The following ME3 variants were observed in gnomAD, a reference collection of about 807,000 sequenced individuals.
ME3 encodes the protein malic enzyme 3, also known as NADP-dependent malic enzyme, mitochondrial.
A neutral mutation model predicts 68.9 loss-of-function variants in ME3; 48 were observed. The observed-to-expected ratio is 0.70, with a 90% confidence interval of 0.55 to 0.89. ME3 has a LOEUF of 0.89. Ranked by LOEUF, ME3 falls within the 40% of genes least tolerant of loss-of-function variation. The pLI is 0.00. For missense variants in ME3, 675 were observed against 797.4 expected (o/e 0.85, Z 1.85); for synonymous variants, 320 against 318.8 (o/e 1.00, Z -0.04).
intron 8 of ME3, chr11:86,462,778 G>A: frequency 4.4e-6 from 2 of 451,744 alleles, no homozygotes; most frequent in Admixed American, 4.8e-5. Context: ...GTACAATGAA[G>A]TAAGAGAACT....
intron 2 of ME3, among the ~76,000 whole-genome samples, chr11:86,604,190 A>C (rs1036005936): frequency 6.6e-6 from 1 of 152,070 alleles, no homozygotes; most frequent in Non-Finnish European, 1.5e-5. Flanking sequence ...CATCATGCAG[A>C]TGAAGCCTCC....
intron 2 of ME3, among the ~76,000 whole-genome samples, chr11:86,560,748 G>GTGTGTATGTGTATATATATATATA (rs1243025217): frequency 1.6e-5 from 1 of 62,530 alleles, no homozygotes; most frequent in South Asian, 7.8e-4. Flanking sequence ...GTGTGTGTGT[G>GTGTGTATGTGTATATATATATATA]TATATATATA....
chr11:86,560,704 A>ATGTG (rs71040244), intron 2 of ME3, among the ~76,000 whole-genome samples: 39 of 101,610 alleles, frequency 3.8e-4, no homozygotes, highest in Admixed American at 1.3e-3. Flanking sequence ...ATATAATGAT[A>ATGTG]TGTGTGTGTG....
intron 2 of ME3, among the ~76,000 whole-genome samples, chr11:86,591,364 T>C (rs7944874): frequency 0.64 from 96,815 of 152,064 alleles, 32,537 homozygotes; most frequent in Non-Finnish European, 0.75. Context: ...TATTTAAAGA[T>C]AAGTCATTTA....
At chr11:86,610,242 TATA>T (rs889578715) in intron 2 of ME3, among the ~76,000 whole-genome samples, 2 of 152,176 alleles carry the variant, frequency 1.3e-5, no homozygotes, top group African/African-American at 4.8e-5. Flanking sequence ...CAGATGTATT[TATA>T]ATGTTTCATT....
chr11:86,642,173 G>A (rs1037140531), intron 2 of ME3, among the ~76,000 whole-genome samples: 2 of 152,146 alleles, frequency 1.3e-5, no homozygotes, highest in Non-Finnish European at 2.9e-5. Flanking sequence ...ATAGAGCCAA[G>A]GAAATTCTCA....
At chr11:86,479,926 T>G (rs1951301649) in intron 7 of ME3, among the ~76,000 whole-genome samples, 1 of 152,120 alleles carries the variant, frequency 6.6e-6, no homozygotes, top group Non-Finnish European at 1.5e-5. Flanking sequence ...GCAATTCTCA[T>G]GCCTCAGCCT....
intron 2 of ME3, among the ~76,000 whole-genome samples, chr11:86,664,996 G>A (rs1946503028): frequency 6.6e-6 from 1 of 152,214 alleles, no homozygotes; most frequent in African/African-American, 2.4e-5. Context: ...CAACACCACA[G>A]ATGAGGACAC....
chr11:86,670,498 A>G (rs746583438), intron 2 of ME3, among the ~76,000 whole-genome samples: 1 of 152,248 alleles, frequency 6.6e-6, no homozygotes, highest in Non-Finnish European at 1.5e-5. Flanking sequence ...GCTTACTAGC[A>G]AAGTAATTCA....
At position 86,594,157 on chromosome 11, in the gene ME3, C is replaced by T. The variant is rs955471445; in HGVS notation, c.184-34334G>A. Among the ~76,000 whole-genome samples, 3 of 146,818 alleles carry T rather than the reference C, an allele frequency of 2.0e-5. 1 individual carries two copies. Among genetic ancestry groups the T allele is most frequent in the African/African-American group, 5.0e-5 (2 of 39,968 alleles). On this transcript the variant is annotated intron_variant, in intron 2 of 14. Coordinates refer to ENST00000543262, the Ensembl canonical transcript of ME3. ...ATATCAACAGTTTTAAGTATCTGTA[C>T]GCATACTGTCAAATCACTTTTAGAA...
chr11:86,619,075 C>T (rs1268186858), intron 2 of ME3, among the ~76,000 whole-genome samples: 1 of 152,148 alleles, frequency 6.6e-6, no homozygotes. Flanking sequence ...CTTGCTTATG[C>T]CATGTTATGT....
downstream of ME3, chr11:86,437,131 A>C (rs1263973477): frequency 6.6e-6 from 1 of 152,132 alleles, no homozygotes; most frequent in East Asian, 1.9e-4. Context: ...GTTCATGTGT[A>C]CACATTATTT....
intron 4 of ME3, among the ~76,000 whole-genome samples, chr11:86,553,583 A>G (rs534867561): frequency 5.3e-5 from 8 of 152,192 alleles, no homozygotes; most frequent in Non-Finnish European, 1.2e-4. Context: ...TCAGAATGTC[A>G]CATGTCAGAT....
chr11:86,472,509 G>A (rs1950841179), intron 7 of ME3, among the ~76,000 whole-genome samples: 1 of 152,194 alleles, frequency 6.6e-6, no homozygotes, highest in Non-Finnish European at 1.5e-5. Flanking sequence ...CAGAGAAGAA[G>A]CTGGGTAAAA....
chr11:86,513,912 G>T (rs1953712328), intron 4 of ME3, among the ~76,000 whole-genome samples: 1 of 152,130 alleles, frequency 6.6e-6, no homozygotes, highest in African/African-American at 2.4e-5. Flanking sequence ...GATGGGGTTG[G>T]TTCTTATCTG....
chr11:86,514,490 C>A (rs1413320634), intron 4 of ME3, among the ~76,000 whole-genome samples: 1 of 152,200 alleles, frequency 6.6e-6, no homozygotes, highest in Admixed American at 6.5e-5. Context: ...TGGGGATTTT[C>A]AAGTGATTTC....
chr11:86,629,120 A>G (rs1392325178), intron 2 of ME3, among the ~76,000 whole-genome samples: 2 of 152,110 alleles, frequency 1.3e-5, no homozygotes, highest in Non-Finnish European at 2.9e-5. Context: ...GGTCTGACTG[A>G]TGGTTTGTCT....
intron 2 of ME3, among the ~76,000 whole-genome samples, chr11:86,648,181 G>A (rs563176915): frequency 9.3e-4 from 142 of 152,244 alleles, no homozygotes; most frequent in Middle Eastern, 3.4e-3. Flanking sequence ...CAAAACTAAG[G>A]CAGAAATCAA....
intron 2 of ME3, among the ~76,000 whole-genome samples, chr11:86,592,902 C>G (rs962667689): frequency 6.6e-6 from 1 of 152,168 alleles, no homozygotes; most frequent in Non-Finnish European, 1.5e-5. Flanking sequence ...ATCAAACACA[C>G]CTGCATTTGA....
Sources: allele counts gnomAD v4.1 joint callset (sites outside exome capture counted in the v4.1 genomes callset), GRCh38; gene constraint gnomAD v4.1.1; transcripts MANE v1.5; gene names NCBI Gene and HGNC (gene_info 2026-07-23, HGNC 2026-07-21).